The following VNN2 variants were observed in gnomAD, a reference collection of about 807,000 sequenced individuals.
VNN2 encodes pantetheine hydrolase VNN2.
In VNN2, 43 loss-of-function variants were observed where a neutral mutation model predicts 43.0. That is an observed-to-expected ratio of 1.00 (90% CI 0.78 to 1.29). VNN2 has a LOEUF of 1.29. Among genes scored for constraint, VNN2 ranks in the 50% most tolerant of loss-of-function variants. The probability of loss-of-function intolerance (pLI) is 0.00; values close to 1 mark genes in which losing one functional copy is unlikely to be tolerated. For missense variants in VNN2, 652 were observed against 619.7 expected, an observed-to-expected ratio of 1.05 and a Z score of -0.55; for synonymous variants, 230 against 224.3, an observed-to-expected ratio of 1.03 and a Z score of -0.23.
chr6:132,756,229 C>T (rs1780471497), intron 2 of VNN2, among the ~76,000 whole-genome samples, 194 bp from the exon 3 acceptor site: 1 of 152,140 alleles, frequency 6.6e-6, no homozygotes, highest in Admixed American at 6.6e-5. Context: ...TCTATTGCTC[C>T]AGAAATTCAT....
intron 4 of VNN2, among the ~76,000 whole-genome samples, chr6:132,751,841 C>T (rs955037964): frequency 1.3e-5 from 2 of 152,122 alleles, no homozygotes; most frequent in Non-Finnish European, 2.9e-5. Context: ...AAAAATTCTC[C>T]CCTATTCCTC....
upstream of VNN2, among the ~76,000 whole-genome samples, chr6:132,761,366 A>C (rs1042427408): frequency 6.6e-6 from 1 of 152,042 alleles, no homozygotes. Flanking sequence ...AAAAAAAAAA[A>C]AAACAGTATT....
At chr6:132,755,704 T>C (rs1562250606) in intron 3 of VNN2, 139 bp downstream of exon 3, 4 of 998,494 alleles carry the variant, frequency 4.0e-6, no homozygotes, top group East Asian at 2.8e-5. Flanking sequence ...TTGCCCACTT[T>C]CAAAAAACAA....
chr6:132,744,385 C>T lies in VNN2; in HGVS notation c.1478G>A (p.Cys493Tyr). The change falls in exon 7 of 7, where the codon TGT becomes TAT. Residue 493 changes from cysteine to tyrosine, a missense_variant. Coordinates refer to ENST00000326499, the MANE Select transcript of VNN2 (RefSeq NM_004665.6). ...WYTKDSLYSS[C>Y]GTSNSAITYL... ...AGTTATTGCTGAATTGCTGGTCCCA[C>T]ATGAGCTGTAAAGTGAGTCCTTTGT... 6.2e-7 allele frequency: 1 copy of T among 1,613,738 alleles called. No homozygotes were observed. Among genetic ancestry groups the T allele is most frequent in the African/African-American group, 1.3e-5 (1 of 74,978 alleles).
intron 3 of VNN2, among the ~76,000 whole-genome samples, chr6:132,755,355 C>T (rs1158285838): frequency 6.9e-6 from 1 of 144,722 alleles, no homozygotes. Flanking sequence ...TACAACGTGT[C>T]ATTTTCTTTT....
At chr6:132,755,008 CA>C (rs1327300808) in intron 3 of VNN2, among the ~76,000 whole-genome samples, 8 of 151,772 alleles carry the variant, frequency 5.3e-5, no homozygotes, top group African/African-American at 1.2e-4. Flanking sequence ...ACTCTGTTTC[CA>C]AAAAAATATT....
upstream of VNN2, among the ~76,000 whole-genome samples, chr6:132,760,294 C>T (rs990354068): frequency 3.3e-5 from 5 of 152,138 alleles, no homozygotes; most frequent in African/African-American, 1.2e-4. Flanking sequence ...TCCACCTCAG[C>T]CTCGCTAGTA....
upstream of VNN2, chr6:132,758,023 TCTTCTTCTTC>T (rs1562254086): frequency 8.2e-4 from 139 of 169,988 alleles, 19 homozygotes; most frequent in African/African-American, 3.7e-3. Context: ...TTCTTCTTCT[TCTTCTTCTTC>T]TTCTTCTTTT....
In VNN2 at chr6:132,757,462, T is replaced by C. The variant is rs200730688; in HGVS notation, c.298A>G (p.Ile100Val). Residue 100 changes from isoleucine to valine, a missense_variant, in exon 2 of 7, where the codon ATC becomes GTC. Transcript: ENST00000326499. ...ATCCAGTTCACCTGAGGGTCTGGGA[T>C]ATCCTCCAGATAAGGGAAAACAGTT... ...RETVFPYLED[I>V]PDPQVNWIPC... is the part of the protein sequence containing the mutation. The C allele has an allele frequency of 6.6e-5, 107 of 1,614,034 alleles. No homozygotes were observed. The East Asian group carries it at 2.3e-3, about 35-fold the overall frequency.
chr6:132,753,380 G>A (rs1034221461), intron 3 of VNN2: 2 of 396,462 alleles, frequency 5.0e-6, no homozygotes, highest in Admixed American at 6.5e-5. Flanking sequence ...AATCCTTGGT[G>A]CCTAGAAACG....
At chr6:132,757,297 T>C (rs536852856) in intron 2 of VNN2, 119 bp downstream of exon 2, 109 of 1,206,858 alleles carry the variant, frequency 9.0e-5, no homozygotes, top group Non-Finnish European at 1.1e-4. Context: ...AATGTTGAGA[T>C]AAATATAACC....
chr6:132,750,514 T>TATATATATATATATATATA (rs369805846), intron 5 of VNN2, among the ~76,000 whole-genome samples: 17 of 114,224 alleles, frequency 1.5e-4, no homozygotes, highest in Admixed American at 2.1e-4. Context: ...TATATATATA[T>TATATATATATATATATATA]TTTTCCAGGT....
At chr6:132,758,054 T>A (rs1384867020), upstream of VNN2, 20 of 509,980 alleles carry the variant, frequency 3.9e-5, 1 homozygote, top group East Asian at 2.3e-4. Flanking sequence ...TTTTTTTTTT[T>A]TTTTTTTTTG....
intron 6 of VNN2, among the ~76,000 whole-genome samples, chr6:132,746,046 T>C (rs1480984311): frequency 6.6e-6 from 1 of 152,252 alleles, no homozygotes; most frequent in Non-Finnish European, 1.5e-5. Context: ...TGCATTATCA[T>C]ATTTGATCCT....
upstream of VNN2, among the ~76,000 whole-genome samples, chr6:132,759,135 G>A (rs756883866): frequency 6.6e-6 from 1 of 152,090 alleles, no homozygotes; most frequent in Non-Finnish European, 1.5e-5. Flanking sequence ...ACAACAATGA[G>A]TTTAAAAACA....
At chr6:132,761,672 C>G (rs111714158), upstream of VNN2, among the ~76,000 whole-genome samples, 1,017 of 152,178 alleles carry the variant, frequency 6.7e-3, 18 homozygotes, top group African/African-American at 0.024. Context: ...AAATAAAAAA[C>G]AAGCAAATAA....
chr6:132,758,335 A>T (rs1221448194), upstream of VNN2, among the ~76,000 whole-genome samples: 1 of 151,932 alleles, frequency 6.6e-6, no homozygotes, highest in African/African-American at 2.4e-5. Flanking sequence ...GAGCCACTGC[A>T]CTTGGCCTAC....
At chr6:132,750,153 G>A (rs936997302) in intron 5 of VNN2, among the ~76,000 whole-genome samples, 1 of 152,168 alleles carries the variant, frequency 6.6e-6, no homozygotes. Context: ...ATGAAGTGGA[G>A]ATCTTTGGGC....
rs199985854 is a variant in VNN2 at position 132,757,815 on chromosome 6, C to G, written c.69G>C (p.Gln23His). 3.7e-6 allele frequency: 6 copies of G among 1,614,046 alleles called. No individual in the cohort carries two copies. The highest frequency in any genetic ancestry group is 5.1e-6 in the Non-Finnish European group (6 of 1,180,018). Residue 23 changes from glutamine (Q) to histidine (H), a missense_variant, in exon 1 of 7, where the codon CAG (glutamine) becomes CAC (histidine). By Grantham distance (24) the Gln-to-His change is conservative. Coordinates refer to ENST00000326499, the MANE Select transcript of VNN2 (RefSeq NM_004665.6). ...CATACACTGCAGCTATAAAACTGTC[C>G]TGAGTACCAACCTGCAGGGTTATTA... ...FALITLQVGT[Q>H]DSFIAAVYEH... is the part of the protein sequence containing the mutation.
Sources: gnomAD v4.1 joint callset for allele counts (sites outside exome capture counted in the v4.1 genomes callset) on GRCh38, gnomAD v4.1.1 for gene constraint, MANE v1.5 for transcripts, NCBI Gene and HGNC (gene_info 2026-07-23, HGNC 2026-07-21) for gene names.